Variants in ATP8A2 observed in about 807,000 individuals in gnomAD.
The protein encoded by ATP8A2 is ATPase phospholipid transporting 8A2, also known as phospholipid-transporting ATPase IB.
A neutral mutation model predicts 165.6 loss-of-function variants in ATP8A2; 100 were observed. The ratio of observed to expected loss-of-function variants is 0.60; its 90% CI spans 0.51 to 0.71. The LOEUF is 0.71. Among genes scored for constraint, ATP8A2 ranks in the 30% least tolerant of loss-of-function variants. ATP8A2 has a pLI of 0.00. For synonymous variants in ATP8A2, 543 were observed against 548.8 expected (o/e 0.99, Z 0.15); for missense variants, 1,227 against 1,479.5 (o/e 0.83, Z 2.80).
intron 2 of ATP8A2, among the ~76,000 whole-genome samples, chr13:25,512,969 C>T (rs1353855124): frequency 1.4e-5 from 2 of 138,094 alleles, no homozygotes; most frequent in African/African-American, 2.6e-5. Flanking sequence ...GCTGACCCCC[C>T]CACCTCCCTC....
intron 25 of ATP8A2, among the ~76,000 whole-genome samples, chr13:25,753,281 G>T (rs2044192765): frequency 6.6e-6 from 1 of 152,192 alleles, no homozygotes; most frequent in African/African-American, 2.4e-5. Flanking sequence ...TTCCACAGCT[G>T]CCCTTTGGCT....
At chr13:25,820,985 G>A (rs1246996894) in intron 27 of ATP8A2, among the ~76,000 whole-genome samples, 1 of 151,410 alleles carries the variant, frequency 6.6e-6, no homozygotes, top group Non-Finnish European at 1.5e-5. Context: ...TAGTTTCGAT[G>A]AAATAAACAG....
At chr13:25,831,644 A>G (rs926677677) in intron 28 of ATP8A2, among the ~76,000 whole-genome samples, 1 of 152,018 alleles carries the variant, frequency 6.6e-6, no homozygotes, top group African/African-American at 2.4e-5. Context: ...AGAGTTCGAG[A>G]CCAGCCTGGC....
intron 35 of ATP8A2, among the ~76,000 whole-genome samples, chr13:25,991,757 C>T (rs1333703052): frequency 6.6e-6 from 1 of 152,112 alleles, no homozygotes; most frequent in African/African-American, 2.4e-5. Flanking sequence ...TGAAGGAGAT[C>T]TGGATTTCCA....
At chr13:25,796,893 C>T (rs1950509049) in intron 27 of ATP8A2, among the ~76,000 whole-genome samples, 1 of 151,874 alleles carries the variant, frequency 6.6e-6, no homozygotes, top group Non-Finnish European at 1.5e-5. Flanking sequence ...AAAGTTTATA[C>T]TTTGATCAAA....
chr13:25,796,664 G>A (rs1419271883), intron 27 of ATP8A2, among the ~76,000 whole-genome samples: 1 of 152,156 alleles, frequency 6.6e-6, no homozygotes, highest in Non-Finnish European at 1.5e-5. Context: ...CACTTGAAAT[G>A]GCCACTGTGC....
At chr13:25,875,941 G>A (rs1487749515) in intron 33 of ATP8A2, among the ~76,000 whole-genome samples, 2 of 152,190 alleles carry the variant, frequency 1.3e-5, no homozygotes, top group Admixed American at 6.5e-5. Flanking sequence ...AAGACAGTGG[G>A]CCACAGATGG....
chr13:25,512,381 C>T (rs1438785244), intron 2 of ATP8A2, among the ~76,000 whole-genome samples: 1 of 152,080 alleles, frequency 6.6e-6, no homozygotes, highest in Non-Finnish European at 1.5e-5. Context: ...GGCCTGTTCT[C>T]AATGAGCTGT....
intron 24 of ATP8A2, among the ~76,000 whole-genome samples, chr13:25,597,702 C>T (rs553174168): frequency 6.6e-6 from 1 of 152,300 alleles, no homozygotes; most frequent in East Asian, 1.9e-4. Context: ...TCATGAGGTC[C>T]TAAGCAGCAG....
intron 25 of ATP8A2, among the ~76,000 whole-genome samples, chr13:25,721,649 A>G (rs1316397218): frequency 1.3e-5 from 2 of 152,270 alleles, no homozygotes; most frequent in Admixed American, 6.5e-5. Context: ...TCCCATTTCT[A>G]TAGATTTGCT....
chr13:25,398,961 A>C (rs1242510633), intron 1 of ATP8A2, among the ~76,000 whole-genome samples: 1 of 152,204 alleles, frequency 6.6e-6, no homozygotes, highest in African/African-American at 2.4e-5. Context: ...CTCTGTACAT[A>C]TGTATAATAA....
intron 33 of ATP8A2, among the ~76,000 whole-genome samples, chr13:25,929,464 CTGTT>C (rs1196428791): frequency 1.3e-5 from 2 of 152,220 alleles, no homozygotes; most frequent in Admixed American, 6.5e-5. Flanking sequence ...AAATCAACCA[CTGTT>C]TGTTTGAGCC....
At chr13:25,574,891 A>G in intron 19 of ATP8A2, 34 bp downstream of exon 19, 1 of 1,215,104 alleles carries the variant, frequency 8.2e-7, no homozygotes, top group Non-Finnish European at 1.2e-6. Context: ...GAAATAAAAT[A>G]ATTATATTTA....
At chr13:25,417,643 TG>T (rs2034173841) in intron 1 of ATP8A2, among the ~76,000 whole-genome samples, 1 of 152,206 alleles carries the variant, frequency 6.6e-6, no homozygotes, top group Non-Finnish European at 1.5e-5. Context: ...TGCGTAGGAC[TG>T]GAAGTTTATT....
intron 27 of ATP8A2, among the ~76,000 whole-genome samples, chr13:25,786,174 T>A (rs933743929): frequency 6.6e-6 from 1 of 152,230 alleles, no homozygotes; most frequent in African/African-American, 2.4e-5. Context: ...CTCATCTCTC[T>A]TCTGGTAAAT....
At chr13:25,756,107 G>C (rs1022433416) in intron 25 of ATP8A2, among the ~76,000 whole-genome samples, 2 of 152,186 alleles carry the variant, frequency 1.3e-5, no homozygotes, top group Non-Finnish European at 2.9e-5. Flanking sequence ...CTCTCAGCCT[G>C]GATGGTGTCC....
At chr13:25,673,042 T>A (rs1365524879) in intron 24 of ATP8A2, among the ~76,000 whole-genome samples, 11 of 152,130 alleles carry the variant, frequency 7.2e-5, no homozygotes, top group Admixed American at 7.2e-4. Flanking sequence ...CTGGCAATAA[T>A]CTCTCCAGCT....
intron 28 of ATP8A2, 39 bp from the exon 29 acceptor site, chr13:25,837,124 C>A (rs17082806): frequency 1.9e-6 from 3 of 1,591,322 alleles, no homozygotes; most frequent in Non-Finnish European, 2.6e-6. Flanking sequence ...CGTGTGGATC[C>A]GAAGGGCTGC....
At chr13:25,499,623 A>G (rs911331665) in intron 2 of ATP8A2, among the ~76,000 whole-genome samples, 1 of 152,144 alleles carries the variant, frequency 6.6e-6, no homozygotes, top group African/African-American at 2.4e-5. Flanking sequence ...CTTGTTGGGG[A>G]CATCATATTC....
Sources: allele counts gnomAD v4.1 joint callset (sites outside exome capture counted in the v4.1 genomes callset), GRCh38; gene constraint gnomAD v4.1.1; transcripts MANE v1.5; gene names NCBI Gene and HGNC (gene_info 2026-07-23, HGNC 2026-07-21).